The following SNX29 variants were observed in gnomAD, a reference collection of about 807,000 sequenced individuals.
SNX29 encodes sorting nexin 29.
In SNX29, 78 loss-of-function variants were observed where a neutral mutation model predicts 102.1. The ratio of observed to expected loss-of-function variants is 0.76; its 90% CI spans 0.64 to 0.92. The LOEUF is 0.92. Among genes scored for constraint, SNX29 ranks in the 40% least tolerant of loss-of-function variants. The pLI, the probability that SNX29 is intolerant of heterozygous loss-of-function variation, is 0.00. For missense variants in SNX29, 1,280 were observed against 1,061.7 expected (o/e 1.21, Z -2.86); for synonymous variants, 580 against 414.5 (o/e 1.40, Z -4.85).
Position 12,295,801 on chromosome 16 carries a change from A to AT in SNX29, c.1782+17775dup, listed in dbSNP as rs1049379152. Among the ~76,000 whole-genome samples, 348 of 148,898 alleles carry AT rather than the reference A, an allele frequency of 2.3e-3. 4 individuals are homozygous for AT. Among genetic ancestry groups the AT allele is most frequent in the African/African-American group, 6.7e-3 (273 of 40,544 alleles). On this transcript the variant is annotated intron_variant, in intron 15 of 20. Coordinates refer to ENST00000566228, the MANE Select transcript of SNX29 (RefSeq NM_032167.5). ...TTTTTTCCTCACTCCCTTCAAGTAG[A>AT]TTTTTTTTTTAATCCATTTTTAAGG...
intron 18 of SNX29, among the ~76,000 whole-genome samples, chr16:12,440,491 T>C (rs539673728): frequency 1.3e-5 from 2 of 152,308 alleles, no homozygotes; most frequent in African/African-American, 4.8e-5. Flanking sequence ...GTTTGTTACG[T>C]AGGTGAACTT....
At chr16:12,546,094 C>T (rs1035589901) in intron 20 of SNX29, among the ~76,000 whole-genome samples, 1 of 152,154 alleles carries the variant, frequency 6.6e-6, no homozygotes, top group African/African-American at 2.4e-5. Context: ...TCTCACTTCA[C>T]TGTGTGACTT....
At chr16:11,991,540 T>A (rs2055847629) in intron 1 of SNX29, among the ~76,000 whole-genome samples, 1 of 151,900 alleles carries the variant, frequency 6.6e-6, no homozygotes, top group Admixed American at 6.6e-5. Context: ...ATTTATTTTT[T>A]ATTTCATTTT....
intron 20 of SNX29, among the ~76,000 whole-genome samples, chr16:12,542,759 CTTTTTTTT>C (rs36004047): frequency 1.4e-5 from 2 of 144,708 alleles, no homozygotes. Flanking sequence ...CTATCACTGC[CTTTTTTTT>C]TTTTTTAAAC....
Position 12,013,500 on chromosome 16 carries a change from AATATATATATATATATATATATATATAT to A in SNX29, c.122+10472_122+10499del, listed in dbSNP as rs66491414. Among the ~76,000 whole-genome samples the A allele has an allele frequency of 2.8e-4, 9 of 31,634 alleles. 1 individual carries two copies. Among genetic ancestry groups the A allele is most frequent in the Admixed American group, 5.6e-4 (1 of 1,792 alleles). The allele number at this position is 31,634 out of a possible 152,430, so 20.8% of individuals were successfully genotyped here. ...GTCTCTACTGGGGGAAAAAAAAAAAAATATATATATATATATATATATATATATATATATATATATATCGAGAGAGGAG... is the reference window on the plus strand; with the variant it reads ...GTCTCTACTGGGGGAAAAAAAAAAAAATATATATATATATCGAGAGAGGAG... On this transcript the variant is annotated intron_variant, in intron 3 of 20. Transcript: ENST00000566228.
intron 10 of SNX29, among the ~76,000 whole-genome samples, chr16:12,076,582 G>C (rs1047166082): frequency 6.6e-6 from 1 of 152,112 alleles, no homozygotes; most frequent in Non-Finnish European, 1.5e-5. Flanking sequence ...GATTCCAGGC[G>C]TGAGCCACCA....
At chr16:12,463,890 T>G (rs1160485108) in intron 18 of SNX29, among the ~76,000 whole-genome samples, 1 of 150,566 alleles carries the variant, frequency 6.6e-6, no homozygotes, top group Admixed American at 6.6e-5. Flanking sequence ...CTCATCACAT[T>G]TTGAGTAAAC....
intron 19 of SNX29, among the ~76,000 whole-genome samples, chr16:12,478,868 G>A (rs1330656231): frequency 2.0e-5 from 3 of 152,142 alleles, no homozygotes; most frequent in Non-Finnish European, 4.4e-5. Flanking sequence ...TGCACTCTGC[G>A]ACCAAACTGG....
At chr16:12,254,993 G>T (rs1289927111) in intron 14 of SNX29, among the ~76,000 whole-genome samples, 2 of 152,150 alleles carry the variant, frequency 1.3e-5, no homozygotes, top group African/African-American at 4.8e-5. Flanking sequence ...CGTGCAGCAG[G>T]AATTGTTTCT....
chr16:12,193,518 C>CT (rs1168172962), intron 13 of SNX29, among the ~76,000 whole-genome samples: 2 of 151,140 alleles, frequency 1.3e-5, no homozygotes, highest in African/African-American at 2.4e-5. Context: ...CAGTTAAACT[C>CT]TTTTTTCTAC....
chr16:12,431,241 G>C lies in SNX29; in HGVS notation c.2037+27712G>C, dbSNP rs138733278. On this transcript the variant is annotated intron_variant, in intron 18 of 20. Transcript: ENST00000566228. ...CCCAAGACGAGATGTCTGGGCAAAG[G>C]GGGAAGAGGGGAAGAGCGGGCAGGT... Among the ~76,000 whole-genome samples the C allele has an allele frequency of 7.3e-3, 1,113 of 152,178 alleles. 17 individuals are homozygous for C. Among genetic ancestry groups the C allele is most frequent in the African/African-American group, 0.024 (1,009 of 41,498 alleles).
chr16:12,005,759 A>G (rs2056431228), intron 3 of SNX29, among the ~76,000 whole-genome samples: 1 of 152,212 alleles, frequency 6.6e-6, no homozygotes, highest in African/African-American at 2.4e-5. Context: ...TACCAGCATG[A>G]TGCTCAAAGG....
chr16:12,487,477 T>C (rs760818052), intron 19 of SNX29, among the ~76,000 whole-genome samples: 3 of 152,116 alleles, frequency 2.0e-5, no homozygotes, highest in Non-Finnish European at 2.9e-5. Context: ...TGAGGGGCAA[T>C]AAGCATCTTG....
Position 12,541,345 on chromosome 16 carries a change from T to C in SNX29, c.2318+16504T>C, listed in dbSNP as rs74011368. Among the ~76,000 whole-genome samples, 129 of 152,264 alleles carry C rather than the reference T, an allele frequency of 8.5e-4. 1 individual carries two copies. Among genetic ancestry groups the C allele is most frequent in the African/African-American group, 3.0e-3 (125 of 41,544 alleles). ...ACTTCTGAGTGCCAGAATTACCTTC[T>C]TCATTCTTCACAGAATTCCCTATGA... is the stretch of plus-strand genomic sequence containing the variant. On this transcript the variant is annotated intron_variant, in intron 20 of 20. Coordinates refer to ENST00000566228, the MANE Select transcript of SNX29 (RefSeq NM_032167.5).
intron 13 of SNX29, among the ~76,000 whole-genome samples, chr16:12,146,596 T>A (rs1314836908): frequency 5.3e-5 from 8 of 152,120 alleles, no homozygotes; most frequent in Non-Finnish European, 1.2e-4. Flanking sequence ...TGGCCCAAGT[T>A]CTTGGCGGCA....
chr16:12,549,737 C>T (rs971156613), intron 20 of SNX29, among the ~76,000 whole-genome samples: 2 of 152,196 alleles, frequency 1.3e-5, no homozygotes, highest in Non-Finnish European at 2.9e-5. Context: ...AAGTGTGTTC[C>T]AGCATTTACT....
chr16:12,478,387 C>T (rs2087755095), intron 19 of SNX29, among the ~76,000 whole-genome samples: 1 of 152,216 alleles, frequency 6.6e-6, no homozygotes, highest in Admixed American at 6.5e-5. Context: ...GTAGAACTTT[C>T]TCAGAGGAGT....
At chr16:12,213,972 C>T (rs764007311) in intron 14 of SNX29, among the ~76,000 whole-genome samples, 7 of 152,092 alleles carry the variant, frequency 4.6e-5, no homozygotes, top group Non-Finnish European at 1.0e-4. Context: ...GTGCTAAAGT[C>T]CCATCAAGCC....
At chr16:12,396,007 G>A (rs2083707253) in intron 16 of SNX29, among the ~76,000 whole-genome samples, 1 of 152,150 alleles carries the variant, frequency 6.6e-6, no homozygotes, top group African/African-American at 2.4e-5. Flanking sequence ...CTTTTTCGAA[G>A]CAGCCTCCCT....
Sources: allele counts gnomAD v4.1 joint callset (sites outside exome capture counted in the v4.1 genomes callset), GRCh38; gene constraint gnomAD v4.1.1; transcripts MANE v1.5; gene names NCBI Gene and HGNC (gene_info 2026-07-23, HGNC 2026-07-21).